The following SHISA6 variants were observed in gnomAD, a reference collection of about 807,000 sequenced individuals.
SHISA6 encodes the protein protein shisa-6.
In SHISA6, 22 loss-of-function variants were observed where a neutral mutation model predicts 47.9. That is an observed-to-expected ratio of 0.46 (90% confidence interval 0.33 to 0.66). The LOEUF (loss-of-function observed/expected upper bound fraction) is 0.66, where lower values mean the gene tolerates loss of function less well. Ranked by LOEUF, SHISA6 falls within the 30% of genes least tolerant of loss-of-function variation. The pLI is 0.02. For missense variants in SHISA6, 680 were observed against 764.6 expected (o/e 0.89, Z 1.30); for synonymous variants, 388 against 337.8 (o/e 1.15, Z -1.63).
intron 3 of SHISA6, among the ~76,000 whole-genome samples, chr17:11,468,515 A>T (rs1455237018): frequency 6.6e-6 from 1 of 152,096 alleles, no homozygotes; most frequent in Non-Finnish European, 1.5e-5. Context: ...TCTGAACACT[A>T]ATCTTAGGAG....
chr17:11,416,346 G>A (rs775887524), intron 3 of SHISA6, among the ~76,000 whole-genome samples: 10 of 152,184 alleles, frequency 6.6e-5, no homozygotes, highest in Non-Finnish European at 1.5e-4. Context: ...ATTATAATCT[G>A]CATGGTGGAT....
At chr17:11,447,262 A>C (rs1472126078) in intron 3 of SHISA6, among the ~76,000 whole-genome samples, 1 of 152,224 alleles carries the variant, frequency 6.6e-6, no homozygotes. Context: ...AGAAAGAAAG[A>C]AATAAGAAGG....
intron 2 of SHISA6, among the ~76,000 whole-genome samples, chr17:11,337,965 C>A (rs1415909994): frequency 6.6e-6 from 1 of 152,154 alleles, no homozygotes; most frequent in Non-Finnish European, 1.5e-5. Context: ...CAAACTCTGA[C>A]CTTTAGGAAG....
intron 3 of SHISA6, among the ~76,000 whole-genome samples, chr17:11,414,985 C>T (rs1416960226): frequency 6.6e-6 from 1 of 151,616 alleles, no homozygotes; most frequent in Non-Finnish European, 1.5e-5. Flanking sequence ...ACTTGGGAGG[C>T]TGAGACAGGA....
chr17:11,398,750 G>T (rs909682586), intron 3 of SHISA6, among the ~76,000 whole-genome samples: 1 of 151,826 alleles, frequency 6.6e-6, no homozygotes, highest in Non-Finnish European at 1.5e-5. Context: ...GTGCCACCAC[G>T]CCCAGCTAAT....
At chr17:11,378,645 G>T (rs554094076) in intron 2 of SHISA6, among the ~76,000 whole-genome samples, 21 of 152,206 alleles carry the variant, frequency 1.4e-4, no homozygotes, top group Admixed American at 1.2e-3. Flanking sequence ...GGTTCTCTTT[G>T]AATTTCTATC....
At chr17:11,281,656 C>T (rs997048092) in intron 2 of SHISA6, among the ~76,000 whole-genome samples, 2 of 152,130 alleles carry the variant, frequency 1.3e-5, no homozygotes, top group Non-Finnish European at 2.9e-5. Context: ...ATGCTGACCT[C>T]ATAAAATATG....
chr17:11,285,422 C>A (rs1909261875), intron 2 of SHISA6, among the ~76,000 whole-genome samples: 1 of 152,142 alleles, frequency 6.6e-6, no homozygotes, highest in South Asian at 2.1e-4. Flanking sequence ...TTGAGAGGAG[C>A]AAATCTTGCC....
intron 2 of SHISA6, among the ~76,000 whole-genome samples, chr17:11,339,668 C>G (rs1423012528): frequency 6.6e-6 from 1 of 152,198 alleles, no homozygotes; most frequent in Non-Finnish European, 1.5e-5. Flanking sequence ...TTGCTTCCTT[C>G]TTCTATCTTG....
intron 1 of SHISA6, among the ~76,000 whole-genome samples, chr17:11,244,655 T>C (rs796530313): frequency 6.6e-5 from 10 of 152,212 alleles, no homozygotes; most frequent in African/African-American, 2.2e-4. Context: ...CAGAGAAATA[T>C]TCACACCGTA....
intron 3 of SHISA6, among the ~76,000 whole-genome samples, chr17:11,402,115 A>G (rs537952229): frequency 6.6e-6 from 1 of 152,030 alleles, no homozygotes; most frequent in Admixed American, 6.5e-5. Context: ...CTGCAGTTCT[A>G]CTCTCTGAAG....
chr17:11,450,699 G>C (rs1405273463), intron 3 of SHISA6, among the ~76,000 whole-genome samples: 1 of 130,966 alleles, frequency 7.6e-6, no homozygotes, highest in African/African-American at 3.1e-5. Flanking sequence ...CCATCCAAAA[G>C]AAAAGAAAAA....
intron 2 of SHISA6, among the ~76,000 whole-genome samples, chr17:11,321,015 TA>T (rs1286861075): frequency 6.6e-6 from 1 of 152,196 alleles, no homozygotes; most frequent in African/African-American, 2.4e-5. Context: ...TTTAAAACAC[TA>T]AATACCTACT....
intron 3 of SHISA6, among the ~76,000 whole-genome samples, chr17:11,429,860 G>GAA (rs35447521): frequency 8.7e-4 from 119 of 136,402 alleles, no homozygotes; most frequent in Middle Eastern, 3.8e-3. Context: ...CATAGGAATT[G>GAA]AAAAAAAAAA....
chr17:11,406,484 A>T (rs1913964476), intron 3 of SHISA6, among the ~76,000 whole-genome samples: 1 of 152,182 alleles, frequency 6.6e-6, no homozygotes, highest in Admixed American at 6.5e-5. Flanking sequence ...GCCTTTGGAC[A>T]TCACCTTCCC....
chr17:11,266,848 C>T (rs917136421), intron 2 of SHISA6, among the ~76,000 whole-genome samples: 6 of 152,214 alleles, frequency 3.9e-5, no homozygotes, highest in African/African-American at 9.6e-5. Flanking sequence ...GTCTGAGGCA[C>T]ATCCTCTGGG....
intron 2 of SHISA6, among the ~76,000 whole-genome samples, chr17:11,367,864 A>G (rs1022640947): frequency 1.3e-5 from 2 of 152,092 alleles, no homozygotes; most frequent in African/African-American, 4.8e-5. Flanking sequence ...TAGCCCCTCA[A>G]ATTTTCTCCC....
intron 2 of SHISA6, among the ~76,000 whole-genome samples, chr17:11,366,926 C>T (rs1912471626): frequency 6.6e-6 from 1 of 152,068 alleles, no homozygotes; most frequent in South Asian, 2.1e-4. Flanking sequence ...AGGATTTTGG[C>T]AGATATAATC....
chr17:11,264,225 A>G (rs946384789), intron 2 of SHISA6, among the ~76,000 whole-genome samples: 2 of 152,204 alleles, frequency 1.3e-5, no homozygotes, highest in Non-Finnish European at 2.9e-5. Context: ...CTAAATATTT[A>G]TTGGAATCTT....
Sources: gnomAD v4.1 joint callset for allele counts (sites outside exome capture counted in the v4.1 genomes callset) on GRCh38, gnomAD v4.1.1 for gene constraint, MANE v1.5 for transcripts, NCBI Gene and HGNC (gene_info 2026-07-23, HGNC 2026-07-21) for gene names.